SPHKAP: variants seen among roughly 807,000 people sequenced by gnomAD.
SPHKAP encodes A-kinase anchor protein SPHKAP.
SPHKAP carries 67 observed loss-of-function variants against 137.5 expected under a neutral mutation model. That is an observed-to-expected ratio of 0.49 (90% CI 0.40 to 0.60). The LOEUF (loss-of-function observed/expected upper bound fraction) is 0.60, where lower values mean the gene tolerates loss of function less well. Among genes scored for constraint, SPHKAP ranks in the 20% least tolerant of loss-of-function variants. The pLI is 0.00. For synonymous variants in SPHKAP, 813 were observed against 785.3 expected, an observed-to-expected ratio of 1.04 and a Z score of -0.59; for missense variants, 2,097 against 2,069.3, an observed-to-expected ratio of 1.01 and a Z score of -0.26.
chr2:228,046,253 T>G (rs1696046509), intron 3 of SPHKAP, among the ~76,000 whole-genome samples: 1 of 149,820 alleles, frequency 6.7e-6, no homozygotes. Context: ...AAATCCGTGT[T>G]TCAAAACATT....
At chr2:227,989,455 C>A (rs1487876653) in intron 11 of SPHKAP, among the ~76,000 whole-genome samples, 3 of 152,098 alleles carry the variant, frequency 2.0e-5, no homozygotes, top group African/African-American at 4.8e-5. Context: ...TAGGCAGGAT[C>A]CTAAAACAGT....
At chr2:228,092,113 A>G in intron 3 of SPHKAP, among the ~76,000 whole-genome samples, 1 of 137,336 alleles carries the variant, frequency 7.3e-6, no homozygotes, top group Non-Finnish European at 1.6e-5. Context: ...ATATATACAC[A>G]TATATACATA....
At chr2:228,156,036 C>G (rs1700098381) in intron 1 of SPHKAP, among the ~76,000 whole-genome samples, 1 of 152,148 alleles carries the variant, frequency 6.6e-6, no homozygotes, top group African/African-American at 2.4e-5. Context: ...TTAGAAATGT[C>G]TTCCCTTGTG....
intron 7 of SPHKAP, among the ~76,000 whole-genome samples, chr2:228,005,775 T>C (rs1187353789): frequency 1.3e-5 from 2 of 152,224 alleles, no homozygotes; most frequent in African/African-American, 4.8e-5. Context: ...CATTTGCTTG[T>C]CTGTAAAGTA....
At position 228,016,792 on chromosome 2, in the gene SPHKAP, G is replaced by C. The variant is rs1307065669; in HGVS notation, c.4062C>G (p.Ser1354Arg). ...AEKCANRLAA[S>R]RMCSGPTLLV... ...GCAGAGTTGGCCCACTGCACATCCT[G>C]CTCGCAGCTAATCTATTTGCACACT... is the stretch of plus-strand genomic sequence containing the variant. The change falls in exon 7 of 12, where the codon AGC becomes AGG. Residue 1354 changes from serine (S) to arginine (R), a missense_variant. Coordinates refer to ENST00000392056, the MANE Select transcript of SPHKAP (RefSeq NM_001142644.2). 6.2e-7 allele frequency: 1 copy of C among 1,614,010 alleles called. No individual in the cohort carries two copies. The highest frequency in any genetic ancestry group is 1.7e-5 in the Admixed American group (1 of 60,008).
chr2:228,081,247 C>G (rs1211301388), intron 3 of SPHKAP, among the ~76,000 whole-genome samples: 1 of 152,166 alleles, frequency 6.6e-6, no homozygotes, highest in Non-Finnish European at 1.5e-5. Flanking sequence ...TCTCTTGCAA[C>G]ACATGGATTA....
intron 1 of SPHKAP, among the ~76,000 whole-genome samples, chr2:228,142,734 A>G (rs1699645354): frequency 6.6e-6 from 1 of 152,148 alleles, no homozygotes; most frequent in Admixed American, 6.5e-5. Context: ...GGACAAGGAA[A>G]AATAGCTACT....
At chr2:228,172,265 A>G (rs76842149) in intron 1 of SPHKAP, among the ~76,000 whole-genome samples, 5 of 152,196 alleles carry the variant, frequency 3.3e-5, no homozygotes, top group Non-Finnish European at 5.9e-5. Context: ...ATTGTGGACT[A>G]TGAAATGGGC....
At chr2:228,132,824 CCT>C (rs1035863273) in intron 1 of SPHKAP, among the ~76,000 whole-genome samples, 1 of 129,272 alleles carries the variant, frequency 7.7e-6, no homozygotes, top group African/African-American at 2.8e-5. Flanking sequence ...ACGGTGAAAC[CCT>C]GTTTCTACTA....
At chr2:228,037,057 T>C (rs1695646951) in intron 3 of SPHKAP, among the ~76,000 whole-genome samples, 1 of 151,926 alleles carries the variant, frequency 6.6e-6, no homozygotes, top group South Asian at 2.1e-4. Context: ...ATAGATAAAA[T>C]ATTTTTCAGC....
intron 1 of SPHKAP, among the ~76,000 whole-genome samples, chr2:228,149,176 A>G (rs1699858629): frequency 2.0e-5 from 3 of 152,170 alleles, no homozygotes. Flanking sequence ...TAATTTATGA[A>G]CATTTATTTC....
intron 7 of SPHKAP, among the ~76,000 whole-genome samples, chr2:228,011,028 G>T (rs1559344597): frequency 6.6e-6 from 1 of 152,078 alleles, no homozygotes. Context: ...ACTCTCCAGA[G>T]ATTTTACTTT....
chr2:228,037,473 T>A (rs1325314270), intron 3 of SPHKAP, among the ~76,000 whole-genome samples: 3 of 152,214 alleles, frequency 2.0e-5, no homozygotes, highest in African/African-American at 7.2e-5. Flanking sequence ...CATGTTGCAA[T>A]GTCTGCTTGA....
chr2:228,019,144 G>A lies in SPHKAP; in HGVS notation c.1710C>T (p.Val570=). The A allele has an allele frequency of 1.2e-6, 2 of 1,613,826 alleles. No individual in the cohort carries two copies. The highest frequency in any genetic ancestry group is 2.2e-5 in the East Asian group (1 of 44,876). ...GMTQVASAVA[V]CGLGEREEVT... ...CCTCTTCTCTTTCACCCAGACCACA[G>A]ACAGCCACGGCACTGGCCACCTGAG... is the stretch of plus-strand genomic sequence containing the variant. Residue 570 remains valine (V), a synonymous_variant, in exon 7 of 12, where the codon GTC becomes GTT. Transcript: ENST00000392056.
chr2:228,098,006 G>A (rs1465604268), intron 3 of SPHKAP, among the ~76,000 whole-genome samples: 5 of 152,108 alleles, frequency 3.3e-5, no homozygotes, highest in Non-Finnish European at 7.3e-5. Context: ...CCCAGTAATG[G>A]GATTGCTGGA....
chr2:228,064,563 T>A (rs1209609512), intron 3 of SPHKAP, among the ~76,000 whole-genome samples: 3 of 152,240 alleles, frequency 2.0e-5, no homozygotes, highest in African/African-American at 7.2e-5. Flanking sequence ...CAGTCTAGCT[T>A]TATTCCTGGG....
intron 7 of SPHKAP, among the ~76,000 whole-genome samples, chr2:228,006,457 G>T (rs1392428895): frequency 6.6e-6 from 1 of 152,076 alleles, no homozygotes; most frequent in Non-Finnish European, 1.5e-5. Flanking sequence ...TTTTTTCAAG[G>T]TTTTTAACTT....
chr2:228,070,677 T>C (rs1696977791), intron 3 of SPHKAP, among the ~76,000 whole-genome samples: 1 of 142,094 alleles, frequency 7.0e-6, no homozygotes, highest in South Asian at 2.2e-4. Flanking sequence ...CACTCATCTC[T>C]GTCAAGTCAT....
At chr2:228,114,699 C>T (rs971534433) in intron 2 of SPHKAP, among the ~76,000 whole-genome samples, 1 of 152,066 alleles carries the variant, frequency 6.6e-6, no homozygotes, top group African/African-American at 2.4e-5. Flanking sequence ...TTTCATCGAA[C>T]ATTTTCTTGG....
Sources: gnomAD v4.1 joint callset for allele counts (sites outside exome capture counted in the v4.1 genomes callset) on GRCh38, gnomAD v4.1.1 for gene constraint, MANE v1.5 for transcripts, NCBI Gene and HGNC (gene_info 2026-07-23, HGNC 2026-07-21) for gene names.